Variants in LONP2 observed in about 807,000 individuals in gnomAD.
LONP2 encodes the protein lon peptidase 2, peroxisomal.
Under a neutral mutation model 85.6 loss-of-function variants are expected in LONP2, and 60 were observed. The ratio of observed to expected loss-of-function variants is 0.70; its 90% confidence interval spans 0.57 to 0.87. The LOEUF (loss-of-function observed/expected upper bound fraction) is 0.87. Among genes scored for constraint, LONP2 ranks in the 40% least tolerant of loss-of-function variants. LONP2 has a pLI of 0.00. For missense variants in LONP2, 860 were observed against 1,063.5 expected (o/e 0.81, Z 2.66); for synonymous variants, 395 against 389.7 (o/e 1.01, Z -0.16).
At chr16:48,322,664 C>T (rs1567341502) in intron 11 of LONP2, among the ~76,000 whole-genome samples, 2 of 152,140 alleles carry the variant, frequency 1.3e-5, no homozygotes, top group Non-Finnish European at 2.9e-5. Context: ...TGCTTGAACC[C>T]ATGAGTTCAA....
intron 11 of LONP2, among the ~76,000 whole-genome samples, chr16:48,328,344 G>A (rs1305185322): frequency 6.6e-6 from 1 of 151,796 alleles, no homozygotes; most frequent in Non-Finnish European, 1.5e-5. Context: ...AGGAGTTCGA[G>A]ACTAGCCTGA....
downstream of LONP2, among the ~76,000 whole-genome samples, chr16:48,358,111 G>C (rs200359398): frequency 2.0e-5 from 3 of 152,148 alleles, no homozygotes; most frequent in African/African-American, 4.8e-5. Context: ...TATGGCTATA[G>C]ATCTTACCTC....
intron 8 of LONP2, among the ~76,000 whole-genome samples, chr16:48,288,617 T>C (rs1972498270): frequency 6.6e-6 from 1 of 152,156 alleles, no homozygotes; most frequent in Admixed American, 6.6e-5. Flanking sequence ...TCTCCTTGGC[T>C]TACAGACAAC....
At chr16:48,320,564 T>G (rs753694196) in intron 11 of LONP2, among the ~76,000 whole-genome samples, 3 of 152,190 alleles carry the variant, frequency 2.0e-5, no homozygotes, top group Admixed American at 6.5e-5. Context: ...TAACACTTTC[T>G]GTGCTAAATC....
chr16:48,295,895 T>G (rs1596957893), intron 8 of LONP2, 120 bp from the exon 9 acceptor site: 5 of 855,022 alleles, frequency 5.8e-6, no homozygotes, highest in Non-Finnish European at 9.3e-6. Context: ...TTTTGTCTGT[T>G]TCTTAAATTC....
At chr16:48,319,451 C>T (rs1973216371) in intron 11 of LONP2, among the ~76,000 whole-genome samples, 1 of 152,124 alleles carries the variant, frequency 6.6e-6, no homozygotes, top group Middle Eastern at 3.2e-3. Flanking sequence ...CTTCTTGGAA[C>T]AGTCTTCTAC....
intron 11 of LONP2, among the ~76,000 whole-genome samples, chr16:48,313,368 G>A (rs1319862601): frequency 6.6e-6 from 1 of 152,078 alleles, no homozygotes; most frequent in Non-Finnish European, 1.5e-5. Context: ...GGATGTACAA[G>A]TTTATTATGT....
At chr16:48,346,295 T>G (rs1959961897) in intron 12 of LONP2, among the ~76,000 whole-genome samples, 1 of 152,200 alleles carries the variant, frequency 6.6e-6, no homozygotes, top group South Asian at 2.1e-4. Context: ...TCCTCTAACA[T>G]GAGTAACTTC....
intron 8 of LONP2, among the ~76,000 whole-genome samples, chr16:48,279,421 A>ACT (rs111914154): frequency 0.014 from 2,086 of 152,130 alleles, 48 homozygotes; most frequent in African/African-American, 0.048. Flanking sequence ...CTCAGAGAAG[A>ACT]CTTCCTGTCT....
chr16:48,334,577 T>A (rs546276106), intron 12 of LONP2: 2 of 679,886 alleles, frequency 2.9e-6, no homozygotes, highest in Non-Finnish European at 5.3e-6. Context: ...GCACATCATC[T>A]TCTTGCAGTT....
At chr16:48,292,496 A>G (rs1335876945) in intron 8 of LONP2, among the ~76,000 whole-genome samples, 2 of 151,970 alleles carry the variant, frequency 1.3e-5, no homozygotes, top group Non-Finnish European at 2.9e-5. Context: ...TTCCTTTCAC[A>G]CTCTTCCTGA....
intron 11 of LONP2, among the ~76,000 whole-genome samples, chr16:48,321,436 T>C (rs1053174604): frequency 3.3e-5 from 5 of 152,128 alleles, no homozygotes; most frequent in African/African-American, 1.2e-4. Context: ...GATTCCTATG[T>C]TTTGGGCCCT....
Position 48,342,643 on chromosome 16 carries a change from A to G in LONP2, c.1939-4864A>G, listed in dbSNP as rs1352324014. 3.9e-5 allele frequency among the ~76,000 whole-genome samples: 6 copies of G among 152,202 alleles called. No individual in the cohort carries two copies. In the East Asian group the frequency reaches 5.8e-4, roughly 15 times the overall value. ...TAAGAGATGACAGTGGTGGACCCCA[A>G]CACCTCTCCAAGGGATGTAGAATCT... On this transcript the variant is annotated intron_variant, in intron 12 of 14. Transcript: ENST00000285737.
chr16:48,334,119 T>C, intron 11 of LONP2, 97 bp from the exon 12 acceptor site: 1 of 1,084,620 alleles, frequency 9.2e-7, no homozygotes, highest in Non-Finnish European at 1.3e-6. Flanking sequence ...GACTGAACTT[T>C]TGAGGTCCAC....
At chr16:48,294,640 C>T (rs1217624005) in intron 8 of LONP2, among the ~76,000 whole-genome samples, 2 of 152,048 alleles carry the variant, frequency 1.3e-5, no homozygotes, top group Non-Finnish European at 1.5e-5. Flanking sequence ...GTGGTACGCA[C>T]CTGTAATCCC....
At chr16:48,334,017 A>G (rs1959555281) in intron 11 of LONP2, among the ~76,000 whole-genome samples, 199 bp from the exon 12 acceptor site, 1 of 152,208 alleles carries the variant, frequency 6.6e-6, no homozygotes, top group African/African-American at 2.4e-5. Flanking sequence ...AATTGCAAAT[A>G]CCACCCTCGG....
intron 4 of LONP2, 63 bp downstream of exon 4, chr16:48,258,803 CAAA>C: frequency 6.9e-7 from 1 of 1,456,586 alleles, no homozygotes; most frequent in Non-Finnish European, 9.2e-7. Context: ...AAGAGAGGAA[CAAA>C]GAAGAAAAGT....
intron 11 of LONP2, among the ~76,000 whole-genome samples, chr16:48,316,935 C>T (rs1172989107): frequency 6.6e-6 from 1 of 152,110 alleles, no homozygotes; most frequent in Non-Finnish European, 1.5e-5. Context: ...AAAAGTGTTA[C>T]ATTTTCTTCT....
intron 6 of LONP2, among the ~76,000 whole-genome samples, chr16:48,266,985 A>G (rs1972003299): frequency 6.6e-6 from 1 of 152,158 alleles, no homozygotes; most frequent in South Asian, 2.1e-4. Flanking sequence ...CAAAAAATAA[A>G]GCTACTGTGA....
Sources: allele counts gnomAD v4.1 joint callset (sites outside exome capture counted in the v4.1 genomes callset), GRCh38; gene constraint gnomAD v4.1.1; transcripts MANE v1.5; gene names NCBI Gene and HGNC (gene_info 2026-07-23, HGNC 2026-07-21).